The following ABCA8 variants were observed in gnomAD, a reference collection of about 807,000 sequenced individuals.
The protein encoded by ABCA8 is ATP binding cassette subfamily A member 8, also known as ABC-type organic anion transporter ABCA8.
ABCA8 carries 177 observed loss-of-function variants against 192.3 expected under a neutral mutation model. The observed-to-expected ratio is 0.92, with a 90% CI of 0.81 to 1.04. The LOEUF is 1.04. ABCA8 is among the 50% of genes least tolerant of loss of function. The probability of loss-of-function intolerance (pLI) is 0.00; values close to 1 mark genes in which losing one functional copy is unlikely to be tolerated. For synonymous variants in ABCA8, 642 were observed against 690.2 expected (o/e 0.93, Z 1.09); for missense variants, 1,915 against 1,904.8 (o/e 1.01, Z -0.10).
intron 19 of ABCA8, among the ~76,000 whole-genome samples, chr17:68,905,591 G>A (rs1239386189): frequency 6.6e-6 from 1 of 151,846 alleles, no homozygotes; most frequent in East Asian, 1.9e-4. Flanking sequence ...GATAGATAGT[G>A]TCCAATTTCT....
At position 68,918,044 on chromosome 17, in the gene ABCA8, T is replaced by G; in HGVS notation, c.2047+3A>C. On this transcript the variant is annotated splice_donor_region_variant and intron_variant, in intron 16 of 39. Transcript: ENST00000586539. ...AGGATACTTAACAGAAACCAGTGAT[T>G]ACCCGCCAGGATGTCGGCCTCATCC... 4 of 1,613,992 alleles carry G rather than the reference T, an allele frequency of 2.5e-6. No homozygotes were observed. The highest frequency in any genetic ancestry group is 3.4e-6 in the Non-Finnish European group (4 of 1,179,990).
chr17:68,936,806 A>AT lies in ABCA8; in HGVS notation c.466+144dup, dbSNP rs202205972. 1,943 of 612,350 alleles carry AT rather than the reference A, an allele frequency of 3.2e-3. 18 individuals carry two copies. The highest frequency in any genetic ancestry group is 0.032 in the African/African-American group (1,639 of 51,936). 37.9% of individuals were successfully genotyped at this position (612,350 alleles called of 1,614,324 possible). On this transcript the variant is annotated intron_variant, in intron 5 of 39. Coordinates refer to ENST00000586539, the MANE Select transcript of ABCA8 (RefSeq NM_001288985.2). ...GATATGTTCTTATGCCCAAAAATGAATTTTTTTTTAAATGTTGAGGGACAT... is the reference window on the plus strand; with the variant it reads ...GATATGTTCTTATGCCCAAAAATGAATTTTTTTTTTAAATGTTGAGGGACAT...
At chr17:68,898,696 G>A (rs1466781932) in intron 21 of ABCA8, among the ~76,000 whole-genome samples, 1 of 152,108 alleles carries the variant, frequency 6.6e-6, no homozygotes, top group African/African-American at 2.4e-5. Flanking sequence ...TGGCACAAAG[G>A]AGGCAGGTGG....
At position 68,868,049 on chromosome 17, in the gene ABCA8, AC is replaced by A. The variant is rs1567811417; in HGVS notation, c.*35del. On this transcript the variant is annotated 3_prime_UTR_variant, in exon 40 of 40. Transcript: ENST00000586539. ...ATAAAAATAAATGTATTTAAAAAAA[AC>A]CACGGGTTTAAACAGGAACACAGAA... The A allele has an allele frequency of 1.4e-6, 2 of 1,473,016 alleles. No homozygotes were observed. Among genetic ancestry groups the A allele is most frequent in the Admixed American group, 4.3e-5 (2 of 46,124 alleles). The allele number at this position is 1,473,016 out of a possible 1,614,324, so 91.2% of individuals were successfully genotyped here.
chr17:68,874,687 C>A (rs755442646), intron 37 of ABCA8, among the ~76,000 whole-genome samples: 30 of 152,050 alleles, frequency 2.0e-4, no homozygotes, highest in Non-Finnish European at 4.3e-4. Flanking sequence ...TCACCTAACT[C>A]CTAAATTATC....
In ABCA8 at chr17:68,874,144, A is replaced by G. The variant is rs576149479; in HGVS notation, c.4631+1116T>C. Among the ~76,000 whole-genome samples the G allele has an allele frequency of 2.0e-5, 3 of 152,324 alleles. No homozygotes were observed. The South Asian group carries it at 6.2e-4, about 32-fold the overall frequency. The stretch of plus-strand genomic sequence containing the variant: ...GTAGGTGCTGTCCAGATGATATTTC[A>G]AGATTTGCCAAAGTCATCTTCCACC... On this transcript the variant is annotated intron_variant, in intron 37 of 39. Transcript: ENST00000586539.
intron 17 of ABCA8, among the ~76,000 whole-genome samples, chr17:68,913,125 T>G (rs2143567772): frequency 6.6e-6 from 1 of 151,848 alleles, no homozygotes; most frequent in South Asian, 2.1e-4. Context: ...CACATGGAAA[T>G]TAAATAATAT....
chr17:68,882,094 A>C (rs2066350371), intron 30 of ABCA8, 114 bp from the exon 31 acceptor site: 1 of 834,632 alleles, frequency 1.2e-6, no homozygotes, highest in African/African-American at 1.7e-5. Context: ...TGCATCAAAG[A>C]AGACCTTCTA....
At chr17:68,905,016 G>A (rs181978613) in intron 19 of ABCA8, among the ~76,000 whole-genome samples, 243 of 152,296 alleles carry the variant, frequency 1.6e-3, no homozygotes, top group Non-Finnish European at 2.8e-3. Flanking sequence ...TCAAAGTCAC[G>A]TCTAAGGGAA....
At chr17:68,875,490 A>G in intron 36 of ABCA8, 90 bp from the exon 37 acceptor site, 1 of 1,597,520 alleles carries the variant, frequency 6.3e-7, no homozygotes, top group South Asian at 1.1e-5. Flanking sequence ...CATTGTCTCA[A>G]GGTCCCTATT....
rs2068506718 is a variant in ABCA8 at position 68,949,414 on chromosome 17, A to T, written c.-108T>A. The T allele has an allele frequency of 6.6e-6, 1 of 152,180 alleles. No individual in the cohort carries two copies. The highest frequency in any genetic ancestry group is 1.5e-5 in the Non-Finnish European group (1 of 68,028). The allele number at this position is 152,180 out of a possible 1,614,324, so 9.4% of individuals were successfully genotyped here. On this transcript the variant is annotated 5_prime_UTR_variant, in exon 2 of 40. Transcript: ENST00000586539. Reference sequence around the variant, plus strand: ...TTCTGAAACAATTCCAAACAGTCGAAAAAGAGGGACTCCTCTCTAACTCAC... The same window carrying T: ...TTCTGAAACAATTCCAAACAGTCGATAAAGAGGGACTCCTCTCTAACTCAC...
In ABCA8 at chr17:68,940,841, G is replaced by A; in HGVS notation, c.218C>T (p.Ser73Phe). The change falls in exon 4 of 40, where the codon TCC (serine) becomes TTC (phenylalanine). Residue 73 changes from serine to phenylalanine, a missense_variant. Ser to Phe is a radical substitution (Grantham distance 155). Coordinates refer to ENST00000586539, the MANE Select transcript of ABCA8 (RefSeq NM_001288985.2). Reference protein sequence around the residue: ...DLGRVDTFNESRFSVVYTPVT... With the variant: ...DLGRVDTFNEFRFSVVYTPVT... ...AGGTGTGTATACAACAGAAAATCTG[G>A]ATTCATTAAATGTATCTACCCGTCC... 4 of 1,613,464 alleles carry A rather than the reference G, an allele frequency of 2.5e-6. No individual in the cohort carries two copies. The highest frequency in any genetic ancestry group is 3.3e-4 in the Middle Eastern group (2 of 6,058).
chr17:68,905,956 G>T, intron 19 of ABCA8, 88 bp downstream of exon 19: 1 of 1,255,824 alleles, frequency 8.0e-7, no homozygotes, highest in Non-Finnish European at 1.1e-6. Context: ...CCTTAATCAT[G>T]AACCCCACAT....
chr17:68,920,431 C>T (rs536051612), intron 13 of ABCA8, among the ~76,000 whole-genome samples: 2 of 151,536 alleles, frequency 1.3e-5, no homozygotes, highest in African/African-American at 4.8e-5. Context: ...AAAATAAATA[C>T]CTTATTGCTT....
intron 26 of ABCA8, chr17:68,886,807 G>C (rs1197293395): frequency 3.4e-6 from 1 of 297,100 alleles, no homozygotes; most frequent in African/African-American, 2.2e-5. Context: ...TCCTAATTTA[G>C]ACAAAAGAAG....
intron 24 of ABCA8, among the ~76,000 whole-genome samples, chr17:68,891,170 A>G (rs1598208034): frequency 6.6e-6 from 1 of 152,224 alleles, no homozygotes; most frequent in African/African-American, 2.4e-5. Context: ...CTTAATTAAT[A>G]CAACACATTC....
rs1031420495 is a variant in ABCA8, at chr17:68,872,903, G to A, written c.4631+2357C>T. On this transcript the variant is annotated intron_variant, in intron 37 of 39. Coordinates refer to ENST00000586539, the MANE Select transcript of ABCA8 (RefSeq NM_001288985.2). ...GCCATACAATGTGTTTGTATTTTAA[G>A]TTACGTGTTACTACAAAAAAGTTAA... Among the ~76,000 whole-genome samples, 3 of 152,142 alleles carry A rather than the reference G, an allele frequency of 2.0e-5. No individual in the cohort carries two copies. The East Asian group carries it at 5.8e-4, about 29-fold the overall frequency.
chr17:68,932,766 G>A (rs569753578), intron 6 of ABCA8, among the ~76,000 whole-genome samples: 1 of 152,166 alleles, frequency 6.6e-6, no homozygotes, highest in South Asian at 2.1e-4. Context: ...GATTTGCTTG[G>A]CATGGCTTTT....
chr17:68,902,387 G>T (rs984630445), intron 21 of ABCA8, among the ~76,000 whole-genome samples: 1 of 152,188 alleles, frequency 6.6e-6, no homozygotes, highest in Non-Finnish European at 1.5e-5. Context: ...TCACAGTTCT[G>T]TGGATACACT....
Sources: allele counts gnomAD v4.1 joint callset (sites outside exome capture counted in the v4.1 genomes callset), GRCh38; gene constraint gnomAD v4.1.1; transcripts MANE v1.5; gene names NCBI Gene and HGNC (gene_info 2026-07-23, HGNC 2026-07-21).